Variants in ADCY5 observed in about 807,000 individuals in gnomAD.
ADCY5 encodes the protein adenylate cyclase 5, also known as adenylate cyclase type 5.
In ADCY5, 30 loss-of-function variants were observed where a neutral mutation model predicts 119.7. The ratio of observed to expected loss-of-function variants is 0.25; its 90% CI spans 0.19 to 0.34. The LOEUF (loss-of-function observed/expected upper bound fraction) is 0.34, where lower values mean the gene tolerates loss of function less well. Ranked by LOEUF, ADCY5 falls within the 10% of genes least tolerant of loss-of-function variation. The probability of loss-of-function intolerance (pLI) is 1.00; values close to 1 mark genes in which losing one functional copy is unlikely to be tolerated. For missense variants in ADCY5, 1,324 were observed against 1,775.2 expected, an observed-to-expected ratio of 0.75 and a Z score of 4.57; for synonymous variants, 753 against 762.2, an observed-to-expected ratio of 0.99 and a Z score of 0.20.
At chr3:123,364,956 C>T (rs1304721492) in intron 1 of ADCY5, among the ~76,000 whole-genome samples, 4 of 138,046 alleles carry the variant, frequency 2.9e-5, no homozygotes, top group East Asian at 2.1e-4. Flanking sequence ...TTTTTTGAGA[C>T]GGAGTCTTGC....
At chr3:123,338,391 C>T (rs565159076) in intron 3 of ADCY5, among the ~76,000 whole-genome samples, 2 of 152,346 alleles carry the variant, frequency 1.3e-5, no homozygotes, top group South Asian at 4.1e-4. Context: ...TTCTCTGCAG[C>T]TTTGGGGGAG....
intron 3 of ADCY5, among the ~76,000 whole-genome samples, chr3:123,344,230 C>T (rs567598639): frequency 7.2e-4 from 109 of 152,298 alleles, no homozygotes; most frequent in African/African-American, 2.5e-3. Context: ...TGGCCTTGCT[C>T]TCAGTGGGGC....
chr3:123,402,328 G>A (rs1944783264), intron 1 of ADCY5, among the ~76,000 whole-genome samples: 1 of 152,234 alleles, frequency 6.6e-6, no homozygotes, highest in Admixed American at 6.5e-5. Flanking sequence ...CAGACCCAGA[G>A]GTGGAATGCC....
intron 12 of ADCY5, among the ~76,000 whole-genome samples, chr3:123,308,864 T>C (rs539192048): frequency 7.2e-6 from 1 of 139,590 alleles, no homozygotes; most frequent in East Asian, 2.0e-4. Context: ...ACAAAAAAAC[T>C]ATCTGCCAGG....
chr3:123,427,689 A>G (rs1945441402), intron 1 of ADCY5, among the ~76,000 whole-genome samples: 1 of 152,214 alleles, frequency 6.6e-6, no homozygotes, highest in African/African-American at 2.4e-5. Context: ...TTAACCTGCC[A>G]TACTCAGTGT....
intron 3 of ADCY5, among the ~76,000 whole-genome samples, chr3:123,337,716 T>A (rs1421526456): frequency 6.6e-6 from 1 of 152,234 alleles, no homozygotes; most frequent in Non-Finnish European, 1.5e-5. Flanking sequence ...TGACCTCATC[T>A]TTACTTGATT....
chr3:123,414,833 C>T (rs1443292533), intron 1 of ADCY5, among the ~76,000 whole-genome samples: 3 of 152,178 alleles, frequency 2.0e-5, no homozygotes, highest in East Asian at 1.9e-4. Context: ...CTTGGGATTA[C>T]AGGCACAAGC....
intron 1 of ADCY5, among the ~76,000 whole-genome samples, chr3:123,428,284 G>C (rs73856608): frequency 0.044 from 6,773 of 152,248 alleles, 488 homozygotes; most frequent in African/African-American, 0.15. Context: ...AACTGAGGCA[G>C]GGGTGGATGT....
At chr3:123,344,829 A>G (rs992323571) in intron 3 of ADCY5, among the ~76,000 whole-genome samples, 27 of 152,296 alleles carry the variant, frequency 1.8e-4, no homozygotes, top group African/African-American at 6.3e-4. Flanking sequence ...AAGAGGCCCC[A>G]GAGGGACATT....
chr3:123,396,775 A>AG (rs1944593763), intron 1 of ADCY5, among the ~76,000 whole-genome samples: 1 of 70,976 alleles, frequency 1.4e-5, no homozygotes, highest in African/African-American at 5.4e-5. Flanking sequence ...GGAAGGAAGG[A>AG]AGGAAGGCAG....
At chr3:123,296,355 CT>C in intron 16 of ADCY5, 139 bp from the exon 17 acceptor site, 1 of 1,038,260 alleles carries the variant, frequency 9.6e-7, no homozygotes, top group Non-Finnish European at 1.4e-6. Context: ...CCTGCTCAAA[CT>C]TTGCCGCACG....
intron 1 of ADCY5, among the ~76,000 whole-genome samples, chr3:123,434,440 AC>A (rs1349444468): frequency 6.6e-6 from 1 of 152,108 alleles, no homozygotes; most frequent in African/African-American, 2.4e-5. Flanking sequence ...GGTTAGGGCA[AC>A]TCTGCCAGGA....
chr3:123,396,069 G>GGAGA (rs1310383163), intron 1 of ADCY5, among the ~76,000 whole-genome samples: 1 of 9,248 alleles, frequency 1.1e-4, no homozygotes, highest in African/African-American at 4.5e-4. Context: ...AGGGTGGGAG[G>GGAGA]GAGAGGGAGG....
intron 1 of ADCY5, among the ~76,000 whole-genome samples, chr3:123,377,305 C>G (rs1242843885): frequency 1.3e-5 from 2 of 152,224 alleles, no homozygotes; most frequent in Non-Finnish European, 2.9e-5. Context: ...CTTGTTATCA[C>G]TGCCCCTGGC....
chr3:123,396,602 GAGAAGGGAGGGAGGA>G (rs1241362278), intron 1 of ADCY5, among the ~76,000 whole-genome samples: 9 of 131,186 alleles, frequency 6.9e-5, no homozygotes, highest in Non-Finnish European at 1.3e-4. Context: ...AGAAAAAAGA[GAGAAGGGAGGGAGGA>G]AGAAGGGAGG....
intron 12 of ADCY5, among the ~76,000 whole-genome samples, chr3:123,308,175 A>G (rs1217685581): frequency 1.3e-5 from 2 of 151,284 alleles, no homozygotes; most frequent in Admixed American, 6.6e-5. Context: ...CTGGGACTAC[A>G]GGCGCCCACC....
chr3:123,340,620 C>T (rs996969983), intron 3 of ADCY5, among the ~76,000 whole-genome samples: 2 of 152,120 alleles, frequency 1.3e-5, no homozygotes, highest in African/African-American at 4.8e-5. Context: ...TGGCTGCTGG[C>T]TCCAGTCCCC....
chr3:123,284,094 GT>G lies in ADCY5; in HGVS notation c.*513del, dbSNP rs1211063909. 6.5e-6 allele frequency: 1 copy of G among 154,504 alleles called. No homozygotes were observed. The highest frequency in any genetic ancestry group is 2.4e-5 in the African/African-American group (1 of 41,480). The allele number at this position is 154,504 out of a possible 1,614,324, so 9.6% of individuals were successfully genotyped here. A position where few individuals can be genotyped will look rare whatever the true frequency, so the allele number is the denominator to read the frequency against. ...GCAGAGGACCACGATGAAGGCCACAGTCCCTCCAAAGCCAGCACTCCTGTGC... is the reference window on the plus strand; with the variant it reads ...GCAGAGGACCACGATGAAGGCCACAGCCCTCCAAAGCCAGCACTCCTGTGC... On this transcript the variant is annotated 3_prime_UTR_variant, in exon 21 of 21. Coordinates refer to ENST00000462833, the MANE Select transcript of ADCY5 (RefSeq NM_183357.3).
chr3:123,447,965 C>T lies in ADCY5; in HGVS notation c.581G>A (p.Gly194Asp). Residue 194 changes from glycine (G) to aspartate (D), a missense_variant, in exon 1 of 21, where the codon GGC becomes GAC. Gly to Asp is a moderately conservative substitution (Grantham distance 94). This residue lies in a region of ADCY5 where 585 missense variants were observed against 569.9 expected (regional missense o/e 1.03). Transcript: ENST00000462833. ...SGDGGSSADSGSGAGPGAVLS... is the reference protein window; with the variant it reads ...SGDGGSSADSDSGAGPGAVLS... ...CACCGCGCCGGGCCCCGCGCCCGAG[C>T]CCGAGTCCGCCGAGCTGCCGCCATC... 1 of 1,465,296 alleles carries T rather than the reference C, an allele frequency of 6.8e-7. No individual in the cohort carries two copies. The highest frequency in any genetic ancestry group is 9.0e-7 in the Non-Finnish European group (1 of 1,108,068). The allele number at this position is 1,465,296 out of a possible 1,614,324, so 90.8% of individuals were successfully genotyped here.
Sources: gnomAD v4.1 joint callset for allele counts (sites outside exome capture counted in the v4.1 genomes callset) on GRCh38, gnomAD v4.1.1 for gene constraint, gnomAD v4.1.1 regional missense constraint, MANE v1.5 for transcripts, NCBI Gene and HGNC (gene_info 2026-07-23, HGNC 2026-07-21) for gene names.